CPXM2: variants seen among roughly 807,000 people sequenced by gnomAD.
CPXM2 encodes the protein carboxypeptidase X, M14 family member 2.
Under a neutral mutation model 86.1 loss-of-function variants are expected in CPXM2, and 66 were observed. That is an observed-to-expected ratio of 0.77 (90% CI 0.63 to 0.94). CPXM2 has a LOEUF of 0.94. CPXM2 is among the 40% of genes least tolerant of loss of function. The probability of loss-of-function intolerance (pLI) is 0.00; values close to 1 mark genes in which losing one functional copy is unlikely to be tolerated. For synonymous variants in CPXM2, 388 were observed against 400.2 expected (o/e 0.97, Z 0.36); for missense variants, 948 against 1,026.3 (o/e 0.92, Z 1.04).
intron 4 of CPXM2, among the ~76,000 whole-genome samples, chr10:123,829,143 A>G (rs372314886): frequency 4.6e-5 from 7 of 152,358 alleles, no homozygotes; most frequent in African/African-American, 1.7e-4. Context: ...TAGCTATTAA[A>G]GAAATGCAAA....
chr10:123,834,202 C>T (rs998042651), intron 4 of CPXM2, among the ~76,000 whole-genome samples: 7 of 152,206 alleles, frequency 4.6e-5, no homozygotes, highest in East Asian at 1.9e-4. Context: ...CCCCACAGGA[C>T]GTCCAGGAGC....
At chr10:123,786,930 C>G (rs570421228) in intron 6 of CPXM2, among the ~76,000 whole-genome samples, 1 of 152,192 alleles carries the variant, frequency 6.6e-6, no homozygotes, top group Non-Finnish European at 1.5e-5. Context: ...AACCTGCCCC[C>G]CTTCTTGTAA....
intron 11 of CPXM2, among the ~76,000 whole-genome samples, chr10:123,761,264 C>T (rs988934542): frequency 3.9e-5 from 6 of 152,196 alleles, no homozygotes; most frequent in Admixed American, 2.0e-4. Flanking sequence ...CGGGCCGTCC[C>T]GCTGGCCGCT....
intron 3 of CPXM2, among the ~76,000 whole-genome samples, chr10:123,857,484 G>A (rs945046606): frequency 6.6e-6 from 1 of 152,002 alleles, no homozygotes; most frequent in Non-Finnish European, 1.5e-5. Flanking sequence ...TTTAAATACA[G>A]CTGTAATTAT....
intron 3 of CPXM2, among the ~76,000 whole-genome samples, chr10:123,859,497 C>T (rs965284191): frequency 3.3e-5 from 5 of 152,176 alleles, no homozygotes; most frequent in South Asian, 2.1e-4. Context: ...GGCTGTATGT[C>T]GAAGCCCACA....
intron 8 of CPXM2, among the ~76,000 whole-genome samples, chr10:123,769,117 G>T (rs1846565223): frequency 6.6e-6 from 1 of 152,188 alleles, no homozygotes; most frequent in Non-Finnish European, 1.5e-5. Flanking sequence ...AAAGACAAAT[G>T]AATATAAGCA....
At chr10:123,886,340 C>G (rs1321922479) in intron 1 of CPXM2, among the ~76,000 whole-genome samples, 2 of 152,158 alleles carry the variant, frequency 1.3e-5, no homozygotes, top group East Asian at 3.8e-4. Flanking sequence ...CCAAATGCAG[C>G]AAAACACACT....
In CPXM2 at chr10:123,857,652, A is replaced by ACGGAAGGCGGCG. The variant is rs1278836691; in HGVS notation, c.513+4961_513+4962insCGCCGCCTTCCG. ...CGTGGAGATGGAAGGCGGCGTGGAG[A>ACGGAAGGCGGCG]TGGAAGGCGGCGTGGAGATGGAAGG... On this transcript the variant is annotated intron_variant, in intron 3 of 13. Coordinates refer to ENST00000241305, the MANE Select transcript of CPXM2 (RefSeq NM_198148.3). 1.7e-3 allele frequency among the ~76,000 whole-genome samples: 180 copies of ACGGAAGGCGGCG among 108,838 alleles called. 1 individual carries two copies. Among genetic ancestry groups the ACGGAAGGCGGCG allele is most frequent in the Admixed American group, 2.1e-3 (23 of 11,136 alleles). The allele number at this position is 108,838 out of a possible 152,430, so 71.4% of individuals were successfully genotyped here.
intron 7 of CPXM2, among the ~76,000 whole-genome samples, chr10:123,772,498 C>G (rs1846666652): frequency 6.6e-6 from 1 of 151,820 alleles, no homozygotes; most frequent in African/African-American, 2.4e-5. Context: ...TTGCAGTTAT[C>G]ACTCCCCTGG....
upstream of CPXM2, among the ~76,000 whole-genome samples, chr10:123,941,641 ATGTTTAACCAGTGTGGATAT>A (rs879511277): frequency 6.6e-6 from 1 of 152,246 alleles, no homozygotes; most frequent in Non-Finnish European, 1.5e-5. Context: ...CATTGTTTTT[ATGTTTAACCAGTGTGGATAT>A]TCACGAGGTA....
chr10:123,758,039 G>A (rs1052585778), intron 11 of CPXM2, among the ~76,000 whole-genome samples: 1 of 152,072 alleles, frequency 6.6e-6, no homozygotes, highest in African/African-American at 2.4e-5. Context: ...CCACAGCTCC[G>A]AATAGACCAT....
At position 123,885,111 on chromosome 10, in the gene CPXM2, A is replaced by T. The variant is rs1945159913; in HGVS notation, c.305-4802T>A. Among the ~76,000 whole-genome samples, 1 of 152,022 alleles carries T rather than the reference A, an allele frequency of 6.6e-6. No homozygotes were observed. Among genetic ancestry groups the T allele is most frequent in the African/African-American group, 2.4e-5 (1 of 41,420 alleles). ...GGCACAGTGCTGTATGTGGGAGGAG[A>T]TTTCAAGTAGCACAGGTGAAAAGTT... On this transcript the variant is annotated intron_variant, in intron 1 of 13. Coordinates refer to ENST00000241305, the MANE Select transcript of CPXM2 (RefSeq NM_198148.3). This position sits in a 1 kb window ranked among gnomAD's most constrained non-coding sequence, Gnocchi z 4.0.
intron 2 of CPXM2, among the ~76,000 whole-genome samples, chr10:123,932,156 T>C (rs980987264): frequency 6.6e-6 from 1 of 152,134 alleles, no homozygotes; most frequent in Non-Finnish European, 1.5e-5. Flanking sequence ...CCAATCTTCT[T>C]TGTGAAGTGC....
At chr10:123,752,672 C>T in intron 13 of CPXM2, 1 of 962,792 alleles carries the variant, frequency 1.0e-6, no homozygotes, top group Non-Finnish European at 1.2e-6. Flanking sequence ...CCTCCCTGTT[C>T]AAGAAAAATG....
At chr10:123,771,720 CAT>C (rs1589981106) in intron 7 of CPXM2, among the ~76,000 whole-genome samples, 2 of 152,222 alleles carry the variant, frequency 1.3e-5, no homozygotes, top group East Asian at 3.8e-4. Flanking sequence ...ATAATCCCCA[CAT>C]GTCATGAAAG....
At chr10:123,768,773 C>A in intron 8 of CPXM2, 51 bp from the exon 9 acceptor site, 1 of 1,505,122 alleles carries the variant, frequency 6.6e-7, no homozygotes, top group Non-Finnish European at 9.1e-7. Flanking sequence ...ACACTTAGGG[C>A]CAAACGGTGC....
intron 4 of CPXM2, among the ~76,000 whole-genome samples, chr10:123,839,474 G>C (rs1043093771): frequency 6.6e-6 from 1 of 151,830 alleles, no homozygotes; most frequent in African/African-American, 2.4e-5. Context: ...GTTATTTCTC[G>C]TGCATCTAAT....
chr10:123,785,078 T>A (rs1474583447), intron 6 of CPXM2, among the ~76,000 whole-genome samples: 1 of 152,232 alleles, frequency 6.6e-6, no homozygotes, highest in African/African-American at 2.4e-5. Context: ...CTTGAGCCCC[T>A]ATGCTCAGGC....
chr10:123,832,126 G>T (rs1354401401), intron 4 of CPXM2, among the ~76,000 whole-genome samples: 1 of 152,166 alleles, frequency 6.6e-6, no homozygotes, highest in Non-Finnish European at 1.5e-5. Flanking sequence ...TTACATATTA[G>T]AATGTTTTCT....
Sources: gnomAD v4.1 joint callset for allele counts (sites outside exome capture counted in the v4.1 genomes callset) on GRCh38, gnomAD v4.1.1 for gene constraint, Gnocchi (gnomAD v3.1) non-coding constraint, MANE v1.5 for transcripts, NCBI Gene and HGNC (gene_info 2026-07-23, HGNC 2026-07-21) for gene names.